The following CHCHD6 variants were observed in gnomAD, a reference collection of about 807,000 sequenced individuals.
CHCHD6 encodes coiled-coil-helix-coiled-coil-helix domain containing 6, also known as MICOS complex subunit MIC25.
Under a neutral mutation model 32.3 loss-of-function variants are expected in CHCHD6, and 28 were observed. The ratio of observed to expected loss-of-function variants is 0.87; its 90% CI spans 0.64 to 1.19. The LOEUF (loss-of-function observed/expected upper bound fraction) is 1.19. Among genes scored for constraint, CHCHD6 ranks in the 50% most tolerant of loss-of-function variants. CHCHD6 has a pLI of 0.00. For synonymous variants in CHCHD6, 122 were observed against 117.5 expected (o/e 1.04, Z -0.25); for missense variants, 333 against 307.0 (o/e 1.08, Z -0.63).
chr3:126,760,719 C>T (rs1332264730), intron 4 of CHCHD6, among the ~76,000 whole-genome samples: 1 of 152,172 alleles, frequency 6.6e-6, no homozygotes, highest in African/African-American at 2.4e-5. Context: ...ATGGATAGGC[C>T]ACATTTATTC....
chr3:126,772,341 G>A (rs374898567), intron 4 of CHCHD6, among the ~76,000 whole-genome samples: 5 of 152,020 alleles, frequency 3.3e-5, no homozygotes, highest in African/African-American at 1.2e-4. Context: ...GACCTCGTCC[G>A]CCTGCTTCAG....
intron 6 of CHCHD6, among the ~76,000 whole-genome samples, chr3:126,922,230 G>A (rs1269644260): frequency 6.6e-6 from 1 of 152,178 alleles, no homozygotes; most frequent in African/African-American, 2.4e-5. Context: ...CACATGTACT[G>A]TACCCTGTTT....
chr3:126,753,737 C>T (rs1344511747), intron 4 of CHCHD6, among the ~76,000 whole-genome samples: 5 of 152,208 alleles, frequency 3.3e-5, no homozygotes, highest in South Asian at 2.1e-4. Context: ...AGAGGGCCCA[C>T]GGGTTTGGTT....
At chr3:126,782,122 C>G (rs958970047) in intron 4 of CHCHD6, among the ~76,000 whole-genome samples, 2 of 152,138 alleles carry the variant, frequency 1.3e-5, no homozygotes, top group African/African-American at 4.8e-5. Context: ...CAAACTGCTC[C>G]CAGCAAGGCA....
chr3:126,781,367 G>A (rs1365969156), intron 4 of CHCHD6, among the ~76,000 whole-genome samples: 1 of 152,228 alleles, frequency 6.6e-6, no homozygotes, highest in Non-Finnish European at 1.5e-5. Context: ...TTTGGCCTGA[G>A]GCAGTGGTAG....
intron 6 of CHCHD6, among the ~76,000 whole-genome samples, chr3:126,934,536 CTTTTTTTT>C (rs386397861): frequency 3.4e-5 from 2 of 58,228 alleles, no homozygotes; most frequent in African/African-American, 7.1e-5. Flanking sequence ...CCCCTCTCTG[CTTTTTTTT>C]TTTTTTTTTT....
chr3:126,713,444 C>T (rs1176969245), intron 1 of CHCHD6, among the ~76,000 whole-genome samples: 1 of 152,170 alleles, frequency 6.6e-6, no homozygotes, highest in African/African-American at 2.4e-5. Flanking sequence ...TGTGTGGGCG[C>T]CACTTTCTGC....
intron 4 of CHCHD6, among the ~76,000 whole-genome samples, chr3:126,809,616 A>T (rs188099115): frequency 9.2e-5 from 14 of 152,322 alleles, no homozygotes; most frequent in Admixed American, 7.2e-4. Context: ...AACATTTGTC[A>T]TCTTTAATTA....
At chr3:126,766,225 T>C (rs1267434752) in intron 4 of CHCHD6, among the ~76,000 whole-genome samples, 3 of 152,008 alleles carry the variant, frequency 2.0e-5, no homozygotes, top group Admixed American at 2.0e-4. Flanking sequence ...AATTCGACAT[T>C]AAAGGGAAAA....
At chr3:126,862,687 C>CCCTCCTCCACCATCACCACCTCCT (rs1559887669) in intron 5 of CHCHD6, among the ~76,000 whole-genome samples, 3 of 28,500 alleles carry the variant, frequency 1.1e-4, no homozygotes, top group African/African-American at 2.9e-4. Flanking sequence ...CACCACCTCC[C>CCCTCCTCCACCATCACCACCTCCT]CCTCCTCCAC....
At chr3:126,885,934 G>A (rs1054539196) in intron 5 of CHCHD6, among the ~76,000 whole-genome samples, 4 of 152,210 alleles carry the variant, frequency 2.6e-5, no homozygotes, top group African/African-American at 9.6e-5. Flanking sequence ...AAGGGCTGGT[G>A]CTGGGGGAAC....
chr3:126,835,324 G>C (rs553129668), intron 4 of CHCHD6, among the ~76,000 whole-genome samples: 1 of 151,784 alleles, frequency 6.6e-6, no homozygotes, highest in African/African-American at 2.4e-5. Flanking sequence ...CCTGCCTGAC[G>C]TCGTTACGGG....
intron 4 of CHCHD6, among the ~76,000 whole-genome samples, chr3:126,741,712 C>T (rs553603553): frequency 6.6e-6 from 1 of 152,312 alleles, no homozygotes; most frequent in African/African-American, 2.4e-5. Flanking sequence ...GTATTTCTAA[C>T]AGCCTCCCAT....
chr3:126,833,798 G>A (rs921859705), intron 4 of CHCHD6, among the ~76,000 whole-genome samples: 2 of 152,156 alleles, frequency 1.3e-5, no homozygotes, highest in Non-Finnish European at 2.9e-5. Context: ...GCTCACGCCT[G>A]TAATCCCAGC....
chr3:126,869,445 A>C (rs1221402658), intron 5 of CHCHD6, among the ~76,000 whole-genome samples: 1 of 152,074 alleles, frequency 6.6e-6, no homozygotes, highest in African/African-American at 2.4e-5. Flanking sequence ...TGTACCAACA[A>C]AAAGTGTTTT....
chr3:126,722,382 C>CA (rs1213290511), intron 1 of CHCHD6, among the ~76,000 whole-genome samples: 2 of 152,154 alleles, frequency 1.3e-5, no homozygotes, highest in African/African-American at 4.8e-5. Flanking sequence ...AGGCTGGTCT[C>CA]AAACTCCTGG....
intron 6 of CHCHD6, among the ~76,000 whole-genome samples, chr3:126,942,614 C>T (rs1325414312): frequency 6.6e-6 from 1 of 152,106 alleles, no homozygotes; most frequent in African/African-American, 2.4e-5. Context: ...TGGCATGTCT[C>T]TTCATTATTT....
intron 5 of CHCHD6, among the ~76,000 whole-genome samples, chr3:126,911,038 T>C (rs2078082513): frequency 6.6e-6 from 1 of 152,182 alleles, no homozygotes; most frequent in Non-Finnish European, 1.5e-5. Flanking sequence ...CATATGTAAG[T>C]ATTTTTCAAA....
chr3:126,733,561 G>A (rs139526869), intron 4 of CHCHD6, among the ~76,000 whole-genome samples: 3 of 152,330 alleles, frequency 2.0e-5, no homozygotes, highest in Admixed American at 6.5e-5. Flanking sequence ...TGTCAGGAGC[G>A]TGTGAGGGCA....
Sources: allele counts gnomAD v4.1 joint callset (sites outside exome capture counted in the v4.1 genomes callset), GRCh38; gene constraint gnomAD v4.1.1; transcripts MANE v1.5; gene names NCBI Gene and HGNC (gene_info 2026-07-23, HGNC 2026-07-21).